The following USP53 variants were observed in gnomAD, a reference collection of about 807,000 sequenced individuals.
USP53 encodes ubiquitin carboxyl-terminal hydrolase 53.
In USP53, 71 loss-of-function variants were observed where a neutral mutation model predicts 94.9. The observed-to-expected ratio is 0.75, with a 90% confidence interval of 0.62 to 0.91. USP53 has a LOEUF of 0.91. Among genes scored for constraint, USP53 ranks in the 40% least tolerant of loss-of-function variants. The pLI, the probability that USP53 is intolerant of heterozygous loss-of-function variation, is 0.00. For synonymous variants in USP53, 375 were observed against 422.7 expected (o/e 0.89, Z 1.39); for missense variants, 1,173 against 1,281.0 (o/e 0.92, Z 1.29).
intron 17 of USP53, 57 bp downstream of exon 17, chr4:119,273,765 T>C: frequency 7.1e-7 from 1 of 1,417,114 alleles, no homozygotes; most frequent in Non-Finnish European, 9.7e-7. Context: ...TAGTAATTTA[T>C]TGTTTGCTAT....
intron 3 of USP53, among the ~76,000 whole-genome samples, chr4:119,227,266 C>T (rs998655005): frequency 5.6e-5 from 6 of 106,658 alleles, no homozygotes; most frequent in African/African-American, 1.1e-4. Context: ...TACACACACA[C>T]ACACACACAC....
intron 3 of USP53, among the ~76,000 whole-genome samples, chr4:119,229,238 C>G (rs1378024725): frequency 2.6e-5 from 4 of 152,134 alleles, no homozygotes; most frequent in Non-Finnish European, 5.9e-5. Flanking sequence ...CCTTTTGGCT[C>G]CAGTATAATA....
intron 3 of USP53, among the ~76,000 whole-genome samples, chr4:119,222,391 G>A (rs1413847331): frequency 6.6e-6 from 1 of 152,146 alleles, no homozygotes; most frequent in African/African-American, 2.4e-5. Flanking sequence ...CTGAACACGA[G>A]AACTTATTCC....
At chr4:119,261,093 G>T (rs1750467008) in intron 11 of USP53, among the ~76,000 whole-genome samples, 1 of 151,238 alleles carries the variant, frequency 6.6e-6, no homozygotes, top group Admixed American at 6.6e-5. Flanking sequence ...CCTAGTAGCT[G>T]GGATTACAGG....
intron 3 of USP53, among the ~76,000 whole-genome samples, chr4:119,226,266 A>G (rs1235638833): frequency 6.6e-6 from 1 of 152,210 alleles, no homozygotes; most frequent in Non-Finnish European, 1.5e-5. Flanking sequence ...CAAGATTAGT[A>G]TTTCTGTTCT....
Position 119,292,445 on chromosome 4 carries a change from T to G in USP53, c.2456T>G (p.Leu819Arg). 4.3e-6 allele frequency: 7 copies of G among 1,613,976 alleles called. No individual in the cohort carries two copies. The highest frequency in any genetic ancestry group is 5.9e-6 in the Non-Finnish European group (7 of 1,179,902). The change falls in exon 19 of 19, where the codon CTT becomes CGT. Residue 819 changes from leucine (L) to arginine (R), a missense_variant. By Grantham distance (102) the Leu-to-Arg change is moderately radical. Coordinates refer to ENST00000692078, the MANE Select transcript of USP53 (RefSeq NM_001371395.1). The stretch of plus-strand genomic sequence containing the variant: ...ATCCACCAGTCAGATGAACAGAAAC[T>G]TGAAAAACCGAATGAATGCAAATTT... The part of the protein sequence containing the change: ...EHIHQSDEQK[L>R]EKPNECKFSE...
intron 3 of USP53, chr4:119,221,174 G>T (rs778230101): frequency 4.6e-5 from 7 of 152,124 alleles, no homozygotes; most frequent in Non-Finnish European, 1.0e-4. Flanking sequence ...ATCAATGAGA[G>T]AATCTTTGTC....
chr4:119,269,372 A>G (rs972611505), intron 14 of USP53, among the ~76,000 whole-genome samples: 21 of 152,218 alleles, frequency 1.4e-4, no homozygotes, highest in Non-Finnish European at 3.1e-4. Flanking sequence ...TGTACCTCAA[A>G]GAAGTAAATG....
In USP53 at chr4:119,212,832, C is replaced by A. The variant is rs1743037295; in HGVS notation, c.-983C>A. On this transcript the variant is annotated 5_prime_UTR_variant, in exon 1 of 19. Transcript: ENST00000692078. Reference sequence around the variant, plus strand: ...GGAGTGGAAGGCCTGTATTTCTCTACCTGGACCGCACGCTCCTCGCGCAAG... The same window carrying A: ...GGAGTGGAAGGCCTGTATTTCTCTAACTGGACCGCACGCTCCTCGCGCAAG... The A allele has an allele frequency of 1.2e-5, 3 of 247,856 alleles. No homozygotes were observed. The allele number at this position is 247,856 out of a possible 1,614,324, so 15.4% of individuals were successfully genotyped here.
intron 16 of USP53, 122 bp from the exon 17 acceptor site, chr4:119,273,510 T>A (rs915494423): frequency 2.1e-5 from 13 of 605,328 alleles, no homozygotes; most frequent in Non-Finnish European, 3.1e-5. Flanking sequence ...TTAAATAATG[T>A]ACATTAAGCC....
chr4:119,267,006 CTT>C lies in USP53; in HGVS notation c.973-313_973-312del, dbSNP rs1223191810. ...TGTAGCACCATTTGTTGAGCTGACT[CTT>C]ATATTTCTCCATTGAATTGTCTTGA... On this transcript the variant is annotated intron_variant, in intron 12 of 18. Coordinates refer to ENST00000692078, the MANE Select transcript of USP53 (RefSeq NM_001371395.1). Among the ~76,000 whole-genome samples the C allele has an allele frequency of 3.3e-5, 5 of 152,226 alleles. No homozygotes were observed. In the East Asian group the frequency reaches 5.8e-4, roughly 18 times the overall value.
intron 17 of USP53, among the ~76,000 whole-genome samples, chr4:119,273,978 AT>A (rs1441152416): frequency 6.6e-6 from 1 of 150,506 alleles, no homozygotes; most frequent in Non-Finnish European, 1.5e-5. Flanking sequence ...CAAAGTGTTA[AT>A]AATGGTTTTG....
At chr4:119,243,461 A>G (rs552754126) in intron 5 of USP53, among the ~76,000 whole-genome samples, 1 of 152,280 alleles carries the variant, frequency 6.6e-6, no homozygotes, top group South Asian at 2.1e-4. Context: ...TAGCACCATC[A>G]CACTCCAGCT....
At chr4:119,226,695 T>C (rs1439251549) in intron 3 of USP53, among the ~76,000 whole-genome samples, 1 of 152,170 alleles carries the variant, frequency 6.6e-6, no homozygotes, top group African/African-American at 2.4e-5. Context: ...TGAAAGAGTG[T>C]GGTTTTGGTA....
intron 13 of USP53, 23 bp downstream of exon 13, chr4:119,267,505 C>A: frequency 6.3e-7 from 1 of 1,597,938 alleles, no homozygotes; most frequent in Non-Finnish European, 8.5e-7. Flanking sequence ...TTTAAAAATT[C>A]TCAATGTTTT....
intron 6 of USP53, among the ~76,000 whole-genome samples, chr4:119,246,947 ATT>A (rs11299908): frequency 2.0e-5 from 3 of 148,132 alleles, no homozygotes; most frequent in Non-Finnish European, 3.0e-5. Flanking sequence ...GACACACAGA[ATT>A]TTTTTTTTTT....
In USP53 at chr4:119,286,257, CT is replaced by C. The variant is rs35726779; in HGVS notation, c.2252-4900del. Among the ~76,000 whole-genome samples, 7 of 150,508 alleles carry C rather than the reference CT, an allele frequency of 4.7e-5. No individual in the cohort carries two copies. The East Asian group carries it at 7.7e-4, about 17-fold the overall frequency. ...ATATATGTCTATTTTAAACATAGGT[CT>C]TTTTTTTAGATGAAATATATATTTT... On this transcript the variant is annotated intron_variant, in intron 17 of 18. Transcript: ENST00000692078.
intron 3 of USP53, among the ~76,000 whole-genome samples, chr4:119,235,020 T>C (rs1465314851): frequency 6.6e-6 from 1 of 152,264 alleles, no homozygotes; most frequent in Non-Finnish European, 1.5e-5. Context: ...AGGGCTGTTA[T>C]TGTTATCCCC....
chr4:119,285,264 C>T (rs10032299), intron 17 of USP53, among the ~76,000 whole-genome samples: 59,691 of 151,556 alleles, frequency 0.39, 12,110 homozygotes, highest in Non-Finnish European at 0.46. Flanking sequence ...GGTAGAACAG[C>T]TGAAGTGTTT....
Sources: gnomAD v4.1 joint callset for allele counts (sites outside exome capture counted in the v4.1 genomes callset) on GRCh38, gnomAD v4.1.1 for gene constraint, MANE v1.5 for transcripts, NCBI Gene and HGNC (gene_info 2026-07-23, HGNC 2026-07-21) for gene names.